KBTBD11: variants seen among roughly 807,000 people sequenced by gnomAD.
KBTBD11 encodes kelch repeat and BTB domain containing 11, also known as kelch repeat and BTB domain-containing protein 11.
For synonymous variants in KBTBD11, 747 were observed against 499.0 expected (o/e 1.50, Z -6.63); for missense variants, 1,390 against 1,001.8 (o/e 1.39, Z -5.23).
chr8:1,974,863 C>T (rs1816275879), intron 1 of KBTBD11: 1 of 253,678 alleles, frequency 3.9e-6, no homozygotes, highest in African/African-American at 2.3e-5. Flanking sequence ...ATCAGTGCAG[C>T]GAGCTTTATT....
At position 2,001,653 on chromosome 8, in the gene KBTBD11, A is replaced by C. The variant is rs1817364934; in HGVS notation, c.461A>C (p.His154Pro). Residue 154 changes from histidine (H) to proline (P), a missense_variant, in exon 2 of 2, where the codon CAC (histidine) becomes CCC (proline). Physicochemically the swap from His to Pro is moderately conservative, Grantham distance 77. Transcript: ENST00000320248. ...GTGTCGGGGCGCCGGCTGCGCGCGC[A>C]CAAGGCGGTGCTGGCGGCGCGCAGC... ...LEVSGRRLRA[H>P]KAVLAARSDY... The C allele has an allele frequency of 6.8e-7, 1 of 1,476,312 alleles. No homozygotes were observed. The highest frequency in any genetic ancestry group is 8.9e-7 in the Non-Finnish European group (1 of 1,119,176). The allele number at this position is 1,476,312 out of a possible 1,614,324, so 91.5% of individuals were successfully genotyped here. A position where few individuals can be genotyped will look rare whatever the true frequency, so the allele number is the denominator to read the frequency against.
chr8:1,974,306 G>A, intron 1 of KBTBD11: 1 of 984,356 alleles, frequency 1.0e-6, no homozygotes, highest in Non-Finnish European at 1.2e-6. Flanking sequence ...GGAAGACAAT[G>A]AGCCGCCCGC....
chr8:1,991,663 C>T (rs551434485), intron 1 of KBTBD11, among the ~76,000 whole-genome samples: 136 of 152,166 alleles, frequency 8.9e-4, no homozygotes, highest in African/African-American at 3.2e-3. Context: ...GGGCAATGAG[C>T]TGTGACCTGC....
At chr8:1,996,885 A>G (rs1817161469) in intron 1 of KBTBD11, among the ~76,000 whole-genome samples, 1 of 152,164 alleles carries the variant, frequency 6.6e-6, no homozygotes, top group Non-Finnish European at 1.5e-5. Context: ...CTGGGGGAAA[A>G]TGCTACATAT....
intron 1 of KBTBD11, among the ~76,000 whole-genome samples, chr8:1,984,312 A>C (rs1816640426): frequency 8.3e-6 from 1 of 120,736 alleles, no homozygotes; most frequent in Non-Finnish European, 1.6e-5. Flanking sequence ...TTTTTGAGAC[A>C]GAGTCTTGCA....
chr8:2,003,013 C>G lies in KBTBD11; in HGVS notation c.1821C>G (p.Phe607Leu). Residue 607 changes from phenylalanine (F) to leucine (L), a missense_variant, in exon 2 of 2, where the codon TTC becomes TTG. Transcript: ENST00000320248. ...ACGTCCGGGGTGTGCTCATCCCGTT[C>G]GCTCTCAGCCTGCCTGAGAAGCCGC... ...PLDVRGVLIP[F>L]ALSLPEKPPR... 7.8e-7 allele frequency: 1 copy of G among 1,281,544 alleles called. No individual in the cohort carries two copies. The allele number at this position is 1,281,544 out of a possible 1,614,324, so 79.4% of individuals were successfully genotyped here. A position where few individuals can be genotyped will look rare whatever the true frequency, so the allele number is the denominator to read the frequency against.
intron 1 of KBTBD11, among the ~76,000 whole-genome samples, chr8:1,986,002 G>C (rs1333426444): frequency 6.6e-6 from 1 of 152,202 alleles, no homozygotes; most frequent in African/African-American, 2.4e-5. Context: ...GTCTCTTCCT[G>C]CTCACATAAC....
Position 2,002,622 on chromosome 8 carries a change from G to C in KBTBD11, c.1430G>C (p.Arg477Pro). The change falls in exon 2 of 2, where the codon CGC becomes CCC. Residue 477 changes from arginine (R) to proline (P), a missense_variant. Transcript: ENST00000320248. This position sits in a 1 kb window ranked among gnomAD's most constrained non-coding sequence, Gnocchi z 4.1. ...CGCCTGCTCAAGTATGACCCGCGGC[G>C]CGACGAGTGGCAGGAGTGCCCGTGC... is the stretch of plus-strand genomic sequence containing the variant. ...FYRLLKYDPR[R>P]DEWQECPCSS... 1 of 1,583,260 alleles carries C rather than the reference G, an allele frequency of 6.3e-7. No homozygotes were observed.
chr8:1,996,584 A>G (rs1323789247), intron 1 of KBTBD11, among the ~76,000 whole-genome samples: 1 of 152,132 alleles, frequency 6.6e-6, no homozygotes, highest in Admixed American at 6.5e-5. Context: ...CTGAGAAGCA[A>G]AACATACCAC....
rs1816200803 is a variant in KBTBD11, at chr8:1,973,728, G to A, written c.-1116G>A. ...TGGAGCCGGAGCGCTGGCTCCGCGC[G>A]GCCTGGAGAGGCGGAGAGGCCTGTC... On this transcript the variant is annotated 5_prime_UTR_variant, in exon 1 of 2. Transcript: ENST00000320248. 1 of 983,808 alleles carries A rather than the reference G, an allele frequency of 1.0e-6. No individual in the cohort carries two copies. Among genetic ancestry groups the A allele is most frequent in the Non-Finnish European group, 1.2e-6 (1 of 829,326 alleles). The allele number at this position is 983,808 out of a possible 1,614,324, so 60.9% of individuals were successfully genotyped here.
At chr8:1,987,616 G>A (rs1444121479) in intron 1 of KBTBD11, among the ~76,000 whole-genome samples, 1 of 152,020 alleles carries the variant, frequency 6.6e-6, no homozygotes, top group South Asian at 2.1e-4. Context: ...GGACTTCTCC[G>A]GCTGCTCTCC....
chr8:1,992,862 C>T (rs796100996), intron 1 of KBTBD11, among the ~76,000 whole-genome samples: 1 of 151,780 alleles, frequency 6.6e-6, no homozygotes, highest in African/African-American at 2.4e-5. Context: ...TTTTGTGAGC[C>T]CCTACTTGGA....
chr8:1,989,668 G>A (rs1226446234), intron 1 of KBTBD11, among the ~76,000 whole-genome samples: 1 of 152,194 alleles, frequency 6.6e-6, no homozygotes, highest in African/African-American at 2.4e-5. Context: ...CTCTCTGCAC[G>A]ACGCATCGCC....
intron 1 of KBTBD11, among the ~76,000 whole-genome samples, chr8:1,995,539 TGG>T (rs1209093434): frequency 6.6e-6 from 1 of 152,282 alleles, no homozygotes; most frequent in Non-Finnish European, 1.5e-5. Flanking sequence ...GGATCAGGGC[TGG>T]GTGTGAGGAC....
At chr8:1,976,136 C>CG (rs1401343773) in intron 1 of KBTBD11, 1 of 152,202 alleles carries the variant, frequency 6.6e-6, no homozygotes, top group African/African-American at 2.4e-5. Context: ...GGACTGGTGT[C>CG]TGAGTGGGCT....
At chr8:1,990,520 C>A in intron 1 of KBTBD11, among the ~76,000 whole-genome samples, 1 of 66,390 alleles carries the variant, frequency 1.5e-5, no homozygotes, top group East Asian at 3.9e-4. Flanking sequence ...GGGGCCTTGG[C>A]GCCCTGTCCG....
Position 2,001,235 on chromosome 8 carries a change from G to C in KBTBD11, c.43G>C (p.Glu15Gln), listed in dbSNP as rs774812307. 2 of 1,480,928 alleles carry C rather than the reference G, an allele frequency of 1.4e-6. No individual in the cohort carries two copies. The highest frequency in any genetic ancestry group is 1.8e-6 in the Non-Finnish European group (2 of 1,118,894). 91.7% of individuals were successfully genotyped at this position (1,480,928 alleles called of 1,614,324 possible). The change falls in exon 2 of 2, where the codon GAG becomes CAG. Residue 15 changes from glutamate to glutamine, a missense_variant. Coordinates refer to ENST00000320248, the MANE Select transcript of KBTBD11 (RefSeq NM_014867.3). ...VAPCVLYPGT[E>Q]PGAAGESESE... is the part of the protein sequence containing the mutation. ...CCCCTGCGTCCTCTACCCAGGGACTGAGCCCGGGGCTGCCGGGGAGAGCGA... is the reference window on the plus strand; with the variant it reads ...CCCCTGCGTCCTCTACCCAGGGACTCAGCCCGGGGCTGCCGGGGAGAGCGA...
At chr8:1,990,587 G>A (rs1401264341) in intron 1 of KBTBD11, among the ~76,000 whole-genome samples, 1 of 20,770 alleles carries the variant, frequency 4.8e-5, no homozygotes, top group Non-Finnish European at 9.2e-5. Context: ...GGGCCTTGGC[G>A]CCCTGTCCGG....
Position 2,001,191 on chromosome 8 carries a change from C to G in KBTBD11, c.-2C>G. On this transcript the variant is annotated 5_prime_UTR_variant, in exon 2 of 2. Transcript: ENST00000320248. ...GCGGGCGCAGCGCAGCACAGCCCGG[C>G]CATGGAGCACGCGGTGGCCCCCTGC... 1 of 1,353,210 alleles carries G rather than the reference C, an allele frequency of 7.4e-7. No homozygotes were observed. Among genetic ancestry groups the G allele is most frequent in the Non-Finnish European group, 9.5e-7 (1 of 1,051,026 alleles). 83.8% of individuals were successfully genotyped at this position (1,353,210 alleles called of 1,614,324 possible). A position where few individuals can be genotyped will look rare whatever the true frequency, so the allele number is the denominator to read the frequency against.
Sources: allele counts gnomAD v4.1 joint callset (sites outside exome capture counted in the v4.1 genomes callset), GRCh38; gene constraint gnomAD v4.1.1; non-coding constraint Gnocchi (gnomAD v3.1); transcripts MANE v1.5; gene names NCBI Gene and HGNC (gene_info 2026-07-23, HGNC 2026-07-21).